The following KCNJ3 variants were observed in gnomAD, a reference collection of about 807,000 sequenced individuals.
KCNJ3 encodes G protein-activated inward rectifier potassium channel 1.
KCNJ3 carries 4 observed loss-of-function variants against 39.2 expected under a neutral mutation model. That is an observed-to-expected ratio of 0.10 (90% CI 0.05 to 0.23). The LOEUF (loss-of-function observed/expected upper bound fraction) is 0.23, where lower values mean the gene tolerates loss of function less well. KCNJ3 is among the 10% of genes least tolerant of loss of function. The pLI is 1.00. For synonymous variants in KCNJ3, 230 were observed against 237.4 expected (o/e 0.97, Z 0.29); for missense variants, 276 against 634.9 (o/e 0.43, Z 6.08).
intron 2 of KCNJ3, among the ~76,000 whole-genome samples, chr2:154,834,303 C>G (rs577817770): frequency 6.6e-6 from 1 of 152,236 alleles, no homozygotes; most frequent in Admixed American, 6.5e-5. Flanking sequence ...TGTTGAACAT[C>G]TTTTCATACA....
At chr2:154,751,503 G>A (rs550169141) in intron 2 of KCNJ3, among the ~76,000 whole-genome samples, 1 of 152,014 alleles carries the variant, frequency 6.6e-6, no homozygotes, top group Admixed American at 6.6e-5. Flanking sequence ...TATATGATCT[G>A]CATCCATTCA....
intron 2 of KCNJ3, among the ~76,000 whole-genome samples, chr2:154,845,948 C>T (rs868519939): frequency 3.4e-5 from 5 of 147,868 alleles, no homozygotes; most frequent in Admixed American, 6.8e-5. Context: ...CCAGCCTGGG[C>T]GTCACAGCGA....
intron 2 of KCNJ3, among the ~76,000 whole-genome samples, chr2:154,750,599 GCAA>G (rs1685823909): frequency 6.6e-6 from 1 of 151,768 alleles, no homozygotes; most frequent in Admixed American, 6.6e-5. Context: ...AAATACATAA[GCAA>G]CAACAATAAA....
At chr2:154,737,164 A>G (rs976766144) in intron 2 of KCNJ3, among the ~76,000 whole-genome samples, 1 of 152,202 alleles carries the variant, frequency 6.6e-6, no homozygotes, top group Non-Finnish European at 1.5e-5. Flanking sequence ...GGCCAGGGAA[A>G]GTTCTTGTTC....
intron 2 of KCNJ3, among the ~76,000 whole-genome samples, chr2:154,764,625 C>A (rs1686100740): frequency 6.6e-6 from 1 of 152,022 alleles, no homozygotes. Flanking sequence ...CTTTTGGCTT[C>A]CCTGGGCTAC....
chr2:154,759,234 GTTC>G (rs1405137874), intron 2 of KCNJ3, among the ~76,000 whole-genome samples: 1 of 152,080 alleles, frequency 6.6e-6, no homozygotes, highest in African/African-American at 2.4e-5. Flanking sequence ...ACTGAATTTT[GTTC>G]TTATTATTTT....
chr2:154,703,472 C>CATAT (rs144343878), intron 1 of KCNJ3, among the ~76,000 whole-genome samples: 14 of 141,808 alleles, frequency 9.9e-5, no homozygotes, highest in Admixed American at 4.8e-4. Flanking sequence ...TTTTATCCTC[C>CATAT]ATATATATGT....
At chr2:154,766,631 A>G (rs986347260) in intron 2 of KCNJ3, among the ~76,000 whole-genome samples, 67 of 152,228 alleles carry the variant, frequency 4.4e-4, no homozygotes, top group African/African-American at 1.5e-3. Context: ...ATCTTGGCTC[A>G]CTGAAACCTC....
chr2:154,728,334 A>G (rs1265081956), intron 2 of KCNJ3, among the ~76,000 whole-genome samples: 1 of 152,118 alleles, frequency 6.6e-6, no homozygotes, highest in Non-Finnish European at 1.5e-5. Context: ...GCTTGTCTTT[A>G]TGTATTTTTC....
At chr2:154,771,439 A>T (rs1351066452) in intron 2 of KCNJ3, among the ~76,000 whole-genome samples, 1 of 152,210 alleles carries the variant, frequency 6.6e-6, no homozygotes, top group Non-Finnish European at 1.5e-5. Context: ...ATACTGGAGA[A>T]TTGCTTTATA....
intron 2 of KCNJ3, among the ~76,000 whole-genome samples, chr2:154,821,066 T>A (rs560849296): frequency 6.6e-6 from 1 of 152,080 alleles, no homozygotes; most frequent in South Asian, 2.1e-4. Flanking sequence ...ATTATACTCA[T>A]TATTCTTTTC....
Position 154,839,778 on chromosome 2 carries a change from GTTGT to G in KCNJ3, c.920-14942_920-14939del, listed in dbSNP as rs553673597. Among the ~76,000 whole-genome samples the G allele has an allele frequency of 3.1e-3, 476 of 152,176 alleles. 1 individual carries two copies. Among genetic ancestry groups the G allele is most frequent in the Admixed American group, 7.8e-3 (119 of 15,268 alleles). On this transcript the variant is annotated intron_variant, in intron 2 of 2. Transcript: ENST00000295101. ...TATCCTTTGCCCACTTTTTGATGGGGTTGTTTGTTTTTTTTCTTGTAAATTTGTT... is the reference window on the plus strand; with the variant it reads ...TATCCTTTGCCCACTTTTTGATGGGGTTGTTTTTTTTCTTGTAAATTTGTT...
chr2:154,831,062 T>G (rs1377370960), intron 2 of KCNJ3, among the ~76,000 whole-genome samples: 1 of 152,162 alleles, frequency 6.6e-6, no homozygotes, highest in African/African-American at 2.4e-5. Context: ...GTTTGGCCAT[T>G]GTCTTTTACT....
intron 2 of KCNJ3, among the ~76,000 whole-genome samples, chr2:154,829,001 C>T (rs1168790264): frequency 2.0e-5 from 3 of 152,112 alleles, no homozygotes; most frequent in Admixed American, 6.6e-5. Context: ...TTAATAATGA[C>T]TATATCTGCT....
At chr2:154,810,930 G>A (rs1217009258) in intron 2 of KCNJ3, among the ~76,000 whole-genome samples, 4 of 152,098 alleles carry the variant, frequency 2.6e-5, no homozygotes, top group African/African-American at 4.8e-5. Flanking sequence ...CAGTGCTAAT[G>A]GATGATCCTT....
At chr2:154,815,342 A>G (rs561805382) in intron 2 of KCNJ3, among the ~76,000 whole-genome samples, 13 of 152,358 alleles carry the variant, frequency 8.5e-5, no homozygotes, top group African/African-American at 2.9e-4. Flanking sequence ...GGCTAATTCT[A>G]TTCCAAAGAT....
chr2:154,739,321 A>G (rs1293064561), intron 2 of KCNJ3, among the ~76,000 whole-genome samples: 1 of 152,066 alleles, frequency 6.6e-6, no homozygotes, highest in Non-Finnish European at 1.5e-5. Flanking sequence ...CTTTGTACAG[A>G]GCACAAGATA....
intron 2 of KCNJ3, among the ~76,000 whole-genome samples, chr2:154,734,414 A>T (rs1348184042): frequency 6.6e-6 from 1 of 152,218 alleles, no homozygotes; most frequent in East Asian, 1.9e-4. Flanking sequence ...AAGTCATTAG[A>T]AATACCGCTC....
chr2:154,844,449 C>T (rs767612471), intron 2 of KCNJ3, among the ~76,000 whole-genome samples: 8 of 152,202 alleles, frequency 5.3e-5, no homozygotes, highest in African/African-American at 7.2e-5. Flanking sequence ...AGAGCTCAGA[C>T]GCCGTGCTGG....
Sources: gnomAD v4.1 joint callset for allele counts (sites outside exome capture counted in the v4.1 genomes callset) on GRCh38, gnomAD v4.1.1 for gene constraint, MANE v1.5 for transcripts, NCBI Gene and HGNC (gene_info 2026-07-23, HGNC 2026-07-21) for gene names.